The following FRMD6 variants were observed in gnomAD, a reference collection of about 807,000 sequenced individuals.
FRMD6 encodes the protein FERM domain containing 6.
Under a neutral mutation model 73.2 loss-of-function variants are expected in FRMD6, and 37 were observed. The observed-to-expected ratio is 0.51, with a 90% CI of 0.39 to 0.66. FRMD6 has a LOEUF of 0.66. FRMD6 is among the 30% of genes least tolerant of loss of function. FRMD6 has a pLI of 0.00. For missense variants in FRMD6, 714 were observed against 780.5 expected, an observed-to-expected ratio of 0.91 and a Z score of 1.02; for synonymous variants, 273 against 282.2, an observed-to-expected ratio of 0.97 and a Z score of 0.33.
the FRMD6 span, among the ~76,000 whole-genome samples, chr14:51,448,717 T>C: frequency 6.6e-6 from 1 of 152,166 alleles, no homozygotes; most frequent in African/African-American, 2.4e-5. Context: ...GACACGTGTG[T>C]TCAAAAACCA....
chr14:51,561,002 C>G (rs1425337780), intron 1 of FRMD6, among the ~76,000 whole-genome samples: 1 of 152,176 alleles, frequency 6.6e-6, no homozygotes, highest in Non-Finnish European at 1.5e-5. Context: ...TCTATGTGGT[C>G]CACATTCTTA....
chr14:51,473,677 T>G, the FRMD6 span, among the ~76,000 whole-genome samples: 2 of 152,092 alleles, frequency 1.3e-5, no homozygotes, highest in African/African-American at 4.8e-5. Context: ...TCTCAGGGAG[T>G]TTTCTGCCTT....
chr14:51,672,825 T>C (rs1251330685), intron 1 of FRMD6, among the ~76,000 whole-genome samples: 1 of 152,190 alleles, frequency 6.6e-6, no homozygotes, highest in Non-Finnish European at 1.5e-5. Flanking sequence ...TATTATTGGG[T>C]GCTGGATTTT....
chr14:51,596,248 GGTGT>G (rs3060588), intron 2 of FRMD6, among the ~76,000 whole-genome samples: 53 of 147,702 alleles, frequency 3.6e-4, no homozygotes, highest in Admixed American at 5.4e-4. Context: ...AGGAGAGCCT[GGTGT>G]GTGTGTGTGT....
the FRMD6 span, among the ~76,000 whole-genome samples, chr14:51,398,282 A>C: frequency 6.6e-6 from 1 of 151,816 alleles, no homozygotes; most frequent in Non-Finnish European, 1.5e-5. Flanking sequence ...GAATCACTGC[A>C]CCTCCCCACC....
chr14:51,583,922 G>C (rs1307752339), intron 2 of FRMD6, among the ~76,000 whole-genome samples: 4 of 152,186 alleles, frequency 2.6e-5, no homozygotes, highest in African/African-American at 9.7e-5. Context: ...AATAAGGCAT[G>C]ATAGGAGGAA....
intron 4 of FRMD6, among the ~76,000 whole-genome samples, chr14:51,701,760 TGA>T (rs1173023415): frequency 6.6e-6 from 1 of 151,668 alleles, no homozygotes; most frequent in Non-Finnish European, 1.5e-5. Flanking sequence ...TGCTTTTAAA[TGA>T]AAAGTATGGA....
At chr14:51,512,516 C>T (rs1230972202) in intron 1 of FRMD6, among the ~76,000 whole-genome samples, 1 of 152,176 alleles carries the variant, frequency 6.6e-6, no homozygotes, top group Non-Finnish European at 1.5e-5. Context: ...TCAAGGCTGC[C>T]ACTGGAGAAT....
chr14:51,509,620 T>C (rs897201426), intron 1 of FRMD6, among the ~76,000 whole-genome samples: 2 of 152,190 alleles, frequency 1.3e-5, no homozygotes, highest in Non-Finnish European at 2.9e-5. Flanking sequence ...CATATATGTA[T>C]ATACTTTATT....
At chr14:51,481,417 A>G in the FRMD6 span, among the ~76,000 whole-genome samples, 3,241 of 152,304 alleles carry the variant, frequency 0.021, 109 homozygotes, top group African/African-American at 0.074. Flanking sequence ...CGTGAGACTT[A>G]TTCACTACCA....
the FRMD6 span, among the ~76,000 whole-genome samples, chr14:51,437,477 T>C: frequency 6.6e-6 from 1 of 152,162 alleles, no homozygotes; most frequent in Non-Finnish European, 1.5e-5. Context: ...TAATTTTTTG[T>C]ATTTTTAGTA....
chr14:51,506,197 A>G (rs981499406), intron 1 of FRMD6, among the ~76,000 whole-genome samples: 1 of 152,128 alleles, frequency 6.6e-6, no homozygotes, highest in African/African-American at 2.4e-5. Flanking sequence ...CATCAGATCT[A>G]GCCTTCTCTG....
intron 13 of FRMD6, among the ~76,000 whole-genome samples, chr14:51,726,231 T>G (rs1897947898): frequency 6.6e-6 from 1 of 152,200 alleles, no homozygotes; most frequent in African/African-American, 2.4e-5. Context: ...GCAGAAATGT[T>G]TCCACACTCT....
intron 1 of FRMD6, among the ~76,000 whole-genome samples, chr14:51,659,125 C>G (rs1414569065): frequency 2.0e-5 from 3 of 152,124 alleles, no homozygotes; most frequent in African/African-American, 7.2e-5. Context: ...AGATCAGTTC[C>G]CTGGGGCCCA....
chr14:51,641,906 A>G (rs1247663141), intron 2 of FRMD6, among the ~76,000 whole-genome samples: 1 of 137,754 alleles, frequency 7.3e-6, no homozygotes, highest in Non-Finnish European at 1.6e-5. Context: ...GACATTGCCA[A>G]ATGTTCTCGT....
At chr14:51,540,535 G>A (rs182790347) in intron 1 of FRMD6, among the ~76,000 whole-genome samples, 43 of 152,174 alleles carry the variant, frequency 2.8e-4, no homozygotes, top group Admixed American at 2.5e-3. Context: ...TAGAGTAGAG[G>A]CTCAATGAAA....
the FRMD6 span, among the ~76,000 whole-genome samples, chr14:51,473,002 T>C: frequency 2.0e-5 from 3 of 152,204 alleles, no homozygotes; most frequent in Non-Finnish European, 4.4e-5. Context: ...TTGAGCAGTT[T>C]GGGAAATAAT....
intron 1 of FRMD6, among the ~76,000 whole-genome samples, chr14:51,675,732 G>A (rs1474481526): frequency 6.6e-6 from 1 of 152,046 alleles, no homozygotes. Flanking sequence ...TTACTTTAAA[G>A]AGTACCTGGC....
chr14:51,588,801 C>T (rs1350643405), intron 2 of FRMD6, among the ~76,000 whole-genome samples: 1 of 152,122 alleles, frequency 6.6e-6, no homozygotes, highest in Admixed American at 6.5e-5. Flanking sequence ...ATGGGAAGGC[C>T]AGAGAATCAG....
Sources: gnomAD v4.1 joint callset for allele counts (sites outside exome capture counted in the v4.1 genomes callset) on GRCh38, gnomAD v4.1.1 for gene constraint, MANE v1.5 for transcripts, NCBI Gene and HGNC (gene_info 2026-07-23, HGNC 2026-07-21) for gene names.